Variants in HABP2 observed in about 807,000 individuals in gnomAD.
HABP2 encodes hyaluronan binding protein 2.
Under a neutral mutation model 66.5 loss-of-function variants are expected in HABP2, and 65 were observed. The observed-to-expected ratio is 0.98, with a 90% CI of 0.80 to 1.20. The LOEUF (loss-of-function observed/expected upper bound fraction) is 1.20. HABP2 is among the 50% of genes most tolerant of loss of function. HABP2 has a pLI of 0.00. For synonymous variants in HABP2, 263 were observed against 253.9 expected (o/e 1.04, Z -0.34); for missense variants, 786 against 691.0 (o/e 1.14, Z -1.54).
intron 3 of HABP2, among the ~76,000 whole-genome samples, chr10:113,575,536 C>A (rs1004548323): frequency 6.6e-6 from 1 of 152,094 alleles, no homozygotes; most frequent in Admixed American, 6.5e-5. Context: ...TGTGAAATAC[C>A]TTCAGCATCA....
At chr10:113,571,190 T>C (rs1167721289) in intron 2 of HABP2, among the ~76,000 whole-genome samples, 1 of 152,228 alleles carries the variant, frequency 6.6e-6, no homozygotes, top group Non-Finnish European at 1.5e-5. Flanking sequence ...TGGGCAGTTC[T>C]TCTGGGCTGC....
At chr10:113,573,466 A>G (rs972182942) in intron 2 of HABP2, among the ~76,000 whole-genome samples, 3 of 152,222 alleles carry the variant, frequency 2.0e-5, no homozygotes, top group African/African-American at 7.2e-5. Flanking sequence ...TACCCAAGGC[A>G]ATGTAAGACC....
At chr10:113,587,348 C>A (rs1438194711) in intron 12 of HABP2, among the ~76,000 whole-genome samples, 2 of 144,740 alleles carry the variant, frequency 1.4e-5, no homozygotes, top group Non-Finnish European at 3.0e-5. Flanking sequence ...CAAAAAAAAA[C>A]CTCATTCAAT....
At chr10:113,563,892 G>GA (rs1845147094) in intron 1 of HABP2, among the ~76,000 whole-genome samples, 1 of 152,226 alleles carries the variant, frequency 6.6e-6, no homozygotes, top group African/African-American at 2.4e-5. Flanking sequence ...CCTGCCCTGA[G>GA]AAAGGCAAGG....
chr10:113,574,249 A>C, intron 2 of HABP2, 40 bp from the exon 3 acceptor site: 1 of 995,166 alleles, frequency 1.0e-6, no homozygotes, highest in Non-Finnish European at 1.6e-6. Context: ...ATTTGAGTGT[A>C]ATGATTAGGA....
In HABP2 at chr10:113,588,541, C is replaced by T. The variant is rs1017000614; in HGVS notation, c.*172C>T. 4 of 558,798 alleles carry T rather than the reference C, an allele frequency of 7.2e-6. No individual in the cohort carries two copies. In the Admixed American group the frequency reaches 9.7e-5, roughly 14 times the overall value. The allele number at this position is 558,798 out of a possible 1,614,324, so 34.6% of individuals were successfully genotyped here. On this transcript the variant is annotated 3_prime_UTR_variant, in exon 13 of 13. Coordinates refer to ENST00000351270, the MANE Select transcript of HABP2 (RefSeq NM_004132.5). ...CTGGGCCTTCCCAGACCAGCATTTGCACAATATCACCAGGCTTCTTCTGCC... is the reference window on the plus strand; with the variant it reads ...CTGGGCCTTCCCAGACCAGCATTTGTACAATATCACCAGGCTTCTTCTGCC...
chr10:113,574,359 T>A lies in HABP2; in HGVS notation c.177T>A (p.Leu59=), dbSNP rs187029293. ...AGGAAGAGAACACCAGTAGCACACTTACCCACGCTGAGAATCCTGACTGGT... is the reference window on the plus strand; with the variant it reads ...AGGAAGAGAACACCAGTAGCACACTAACCCACGCTGAGAATCCTGACTGGT... ...YNQEENTSST[L]THAENPDWYY... is the part of the protein sequence containing the mutation. The change falls in exon 3 of 13, where the codon CTT becomes CTA. Residue 59 remains leucine (L), a synonymous_variant. Coordinates refer to ENST00000351270, the MANE Select transcript of HABP2 (RefSeq NM_004132.5). The A allele has an allele frequency of 6.9e-5, 111 of 1,606,638 alleles. No individual in the cohort carries two copies. The East Asian group carries it at 2.3e-3, about 33-fold the overall frequency.
Position 113,583,374 on chromosome 10 carries a change from A to G in HABP2, c.1237+16A>G, listed in dbSNP as rs1260036749. On this transcript the variant is annotated intron_variant, in intron 10 of 12. Coordinates refer to ENST00000351270, the MANE Select transcript of HABP2 (RefSeq NM_004132.5). ...AATGATATTGGCAAGTTCCTCTTTC[A>G]TGGCTTTCCTGAGGGTCTTGTCCTG... is the stretch of plus-strand genomic sequence containing the variant. 4 of 1,610,752 alleles carry G rather than the reference A, an allele frequency of 2.5e-6. No homozygotes were observed. The highest frequency in any genetic ancestry group is 1.3e-5 in the African/African-American group (1 of 74,892).
intron 5 of HABP2, 29 bp from the exon 6 acceptor site, chr10:113,577,997 C>G (rs774745762): frequency 5.6e-6 from 9 of 1,610,076 alleles, no homozygotes; most frequent in African/African-American, 1.3e-5. Flanking sequence ...TTCTGAAGAG[C>G]CTTCCTGGCC....
Position 113,588,218 on chromosome 10 carries a change from G to GC in HABP2, c.1537dup (p.Leu513ProfsTer4), listed in dbSNP as rs1337847082. 8 of 1,602,790 alleles carry GC rather than the reference G, an allele frequency of 5.0e-6. No homozygotes were observed. Among genetic ancestry groups the GC allele is most frequent in the Middle Eastern group, 1.8e-4 (1 of 5,548 alleles). On this transcript the variant is annotated frameshift_variant, in exon 13 of 13. Transcript: ENST00000351270. LOFTEE classifies it high-confidence loss of function. Reference sequence around the variant, plus strand: ...TGTTTCCCTTAGGGTGACTCTGGAGGCCCCCTGACCTGTGAGAAGGACGGC... The same window carrying GC: ...TGTTTCCCTTAGGGTGACTCTGGAGGCCCCCCTGACCTGTGAGAAGGACGGC...
chr10:113,557,615 G>A (rs1231311372), intron 1 of HABP2, among the ~76,000 whole-genome samples: 1 of 152,140 alleles, frequency 6.6e-6, no homozygotes, highest in Non-Finnish European at 1.5e-5. Flanking sequence ...GGGTTGGTGC[G>A]CCATGCCTGT....
chr10:113,562,697 G>A (rs1307540801), intron 1 of HABP2, among the ~76,000 whole-genome samples: 5 of 152,106 alleles, frequency 3.3e-5, no homozygotes, highest in South Asian at 4.2e-4. Flanking sequence ...TGCCCACCTC[G>A]GCCTCCCAAA....
chr10:113,583,152 T>C, intron 9 of HABP2, 64 bp from the exon 10 acceptor site: 2 of 1,499,354 alleles, frequency 1.3e-6, no homozygotes, highest in Non-Finnish European at 9.2e-7. Context: ...AAGGTCAGAT[T>C]TGCCAAAGGC....
chr10:113,588,406 G>T lies in HABP2; in HGVS notation c.*37G>T. 6.4e-7 allele frequency: 1 copy of T among 1,558,110 alleles called. No individual in the cohort carries two copies. The highest frequency in any genetic ancestry group is 1.2e-5 in the South Asian group (1 of 83,578). On this transcript the variant is annotated 3_prime_UTR_variant, in exon 13 of 13. Coordinates refer to ENST00000351270, the MANE Select transcript of HABP2 (RefSeq NM_004132.5). Reference sequence around the variant, plus strand: ...CTGGACCTCAGAGCCCACTCTCCTTGGCACCCTGACACCGGGAGGCCTCAT... The same window carrying T: ...CTGGACCTCAGAGCCCACTCTCCTTTGCACCCTGACACCGGGAGGCCTCAT...
upstream of HABP2, among the ~76,000 whole-genome samples, chr10:113,551,757 G>T (rs924234665): frequency 1.3e-5 from 2 of 152,036 alleles, no homozygotes; most frequent in Non-Finnish European, 2.9e-5. Context: ...AGTGAGCCAA[G>T]ATCACGCCAC....
intron 7 of HABP2, among the ~76,000 whole-genome samples, 178 bp from the exon 8 acceptor site, chr10:113,580,417 A>G (rs979396731): frequency 5.3e-5 from 8 of 152,164 alleles, no homozygotes. Flanking sequence ...AGATTTTGCC[A>G]GAAAAAATAC....
intron 7 of HABP2, among the ~76,000 whole-genome samples, chr10:113,579,902 C>T (rs1845488298): frequency 6.6e-6 from 1 of 152,118 alleles, no homozygotes; most frequent in Non-Finnish European, 1.5e-5. Context: ...CCTGCCTCAG[C>T]CTTCCAAGTA....
At chr10:113,567,601 A>C in intron 2 of HABP2, 76 bp downstream of exon 2, 1 of 1,093,006 alleles carries the variant, frequency 9.1e-7, no homozygotes, top group Non-Finnish European at 1.4e-6. Flanking sequence ...AGGCCTAAGT[A>C]TGGAAGTGTT....
At chr10:113,555,856 C>A (rs1160565310) in intron 1 of HABP2, among the ~76,000 whole-genome samples, 1 of 152,180 alleles carries the variant, frequency 6.6e-6, no homozygotes, top group Admixed American at 6.5e-5. Context: ...AGGAGGCCTG[C>A]TTAACTGTAA....
Sources: allele counts gnomAD v4.1 joint callset (sites outside exome capture counted in the v4.1 genomes callset), GRCh38; gene constraint gnomAD v4.1.1; transcripts MANE v1.5; gene names NCBI Gene and HGNC (gene_info 2026-07-23, HGNC 2026-07-21).